Variants in DKK3 observed in about 807,000 individuals in gnomAD.
DKK3 encodes the protein dickkopf Wnt signaling pathway inhibitor 3, also known as dickkopf-related protein 3.
In DKK3, 22 loss-of-function variants were observed where a neutral mutation model predicts 33.2. The ratio of observed to expected loss-of-function variants is 0.66; its 90% CI spans 0.47 to 0.95. DKK3 has a LOEUF of 0.95. Among genes scored for constraint, DKK3 ranks in the 40% least tolerant of loss-of-function variants. The probability of loss-of-function intolerance (pLI) is 0.00; values close to 1 mark genes in which losing one functional copy is unlikely to be tolerated. For missense variants in DKK3, 398 were observed against 458.4 expected, an observed-to-expected ratio of 0.87 and a Z score of 1.20; for synonymous variants, 194 against 188.8, an observed-to-expected ratio of 1.03 and a Z score of -0.23.
chr11:11,964,920 G>T (rs760245948), intron 6 of DKK3, among the ~76,000 whole-genome samples: 2 of 152,188 alleles, frequency 1.3e-5, no homozygotes, highest in Non-Finnish European at 2.9e-5. Context: ...TCCAGCGCAG[G>T]CCTGACCTCC....
intron 3 of DKK3, among the ~76,000 whole-genome samples, chr11:11,997,049 T>G (rs1357210554): frequency 6.6e-6 from 1 of 152,178 alleles, no homozygotes; most frequent in Non-Finnish European, 1.5e-5. Context: ...TCAATTCCCC[T>G]GACTAAAAGG....
At chr11:12,001,992 T>G (rs892957285) in intron 2 of DKK3, 11 of 225,480 alleles carry the variant, frequency 4.9e-5, no homozygotes, top group Non-Finnish European at 3.5e-5. Flanking sequence ...TAGGAAAGGG[T>G]CTTTTTAGAC....
chr11:12,007,566 C>T (rs747343113), intron 1 of DKK3, among the ~76,000 whole-genome samples: 28 of 152,296 alleles, frequency 1.8e-4, no homozygotes, highest in South Asian at 1.5e-3. Context: ...TGATGGAGGG[C>T]AGAAGCTAGG....
In DKK3 at chr11:11,964,559, C is replaced by T; in HGVS notation, c.958G>A (p.Glu320Lys). The change falls in exon 7 of 7, where the codon GAG becomes AAG. Residue 320 changes from glutamate to lysine, a missense_variant. Transcript: ENST00000683431. The stretch of plus-strand genomic sequence containing the variant: ...AGGCTCCTCTCCAGGTCCTCCAGCT[C>T]CTGGCGCACCTCCTCCATGAAGCTG... ...VGSFMEEVRQ[E>K]LEDLERSLTE... 1 of 1,614,214 alleles carries T rather than the reference C, an allele frequency of 6.2e-7. No individual in the cohort carries two copies. The highest frequency in any genetic ancestry group is 8.5e-7 in the Non-Finnish European group (1 of 1,180,042).
intron 3 of DKK3, among the ~76,000 whole-genome samples, chr11:11,988,809 G>A (rs1216250533): frequency 6.6e-6 from 1 of 152,204 alleles, no homozygotes; most frequent in African/African-American, 2.4e-5. Context: ...ATACGCCCAG[G>A]CCTAGGGAAA....
At chr11:11,977,556 C>T (rs1329180485) in intron 3 of DKK3, among the ~76,000 whole-genome samples, 2 of 152,202 alleles carry the variant, frequency 1.3e-5, no homozygotes, top group East Asian at 1.9e-4. Flanking sequence ...CCTGGGTTGG[C>T]AGCCGTTGGG....
chr11:11,982,667 C>T (rs1027110143), intron 3 of DKK3, among the ~76,000 whole-genome samples: 6 of 152,250 alleles, frequency 3.9e-5, no homozygotes, highest in African/African-American at 1.4e-4. Context: ...TGGGCCTTCC[C>T]GCTTCCATGG....
At chr11:11,992,883 A>T (rs75840260) in intron 3 of DKK3, among the ~76,000 whole-genome samples, 1 of 152,186 alleles carries the variant, frequency 6.6e-6, no homozygotes, top group South Asian at 2.1e-4. Context: ...TGATCTTTAT[A>T]TTTCTTTGAT....
chr11:11,987,418 CCTCCCATCTCT>C (rs1170209821), intron 3 of DKK3, among the ~76,000 whole-genome samples: 6 of 152,186 alleles, frequency 3.9e-5, no homozygotes, highest in Non-Finnish European at 8.8e-5. Flanking sequence ...AAACTACATC[CCTCCCATCTCT>C]GATTTCTCAT....
At chr11:12,007,198 G>A (rs962444) in intron 1 of DKK3, among the ~76,000 whole-genome samples, 6,644 of 152,246 alleles carry the variant, frequency 0.044, 211 homozygotes, top group South Asian at 0.085. Flanking sequence ...AGGGCTGCGG[G>A]GAGAAAGCAA....
chr11:11,986,039 G>C (rs927994461), intron 3 of DKK3, among the ~76,000 whole-genome samples: 28 of 152,082 alleles, frequency 1.8e-4, no homozygotes, highest in African/African-American at 6.8e-4. Context: ...CCTGCTCGTG[G>C]GGCTGAGCCT....
Position 11,963,681 on chromosome 11 carries a change from A to G in DKK3, c.*783T>C, listed in dbSNP as rs993853120. 1.3e-5 allele frequency: 2 copies of G among 152,236 alleles called. No individual in the cohort carries two copies. The highest frequency in any genetic ancestry group is 4.1e-4 in the South Asian group (2 of 4,834). The allele number at this position is 152,236 out of a possible 1,614,324, so 9.4% of individuals were successfully genotyped here. On this transcript the variant is annotated 3_prime_UTR_variant, in exon 7 of 7. Transcript: ENST00000683431. ...CCCATTCTCCTTCCTTTTGGGGAGC[A>G]CTTTTGGTGGCACCAAGGCTGGTGT...
chr11:12,002,676 T>C (rs1004501999), intron 1 of DKK3, among the ~76,000 whole-genome samples: 1 of 152,144 alleles, frequency 6.6e-6, no homozygotes, highest in African/African-American at 2.4e-5. Context: ...ATATTACAAA[T>C]AGGGAAACTG....
At chr11:11,967,658 T>G (rs1847631291) in intron 4 of DKK3, among the ~76,000 whole-genome samples, 1 of 152,220 alleles carries the variant, frequency 6.6e-6, no homozygotes, top group African/African-American at 2.4e-5. Context: ...TAATAAGAAC[T>G]GCTTGACTTT....
At chr11:11,999,123 A>G (rs1446100323) in intron 2 of DKK3, among the ~76,000 whole-genome samples, 1 of 152,190 alleles carries the variant, frequency 6.6e-6, no homozygotes, top group Non-Finnish European at 1.5e-5. Context: ...CTTGAAACTC[A>G]ATGTCAACTT....
chr11:11,984,297 C>T (rs183536498), intron 3 of DKK3, among the ~76,000 whole-genome samples: 50 of 152,292 alleles, frequency 3.3e-4, no homozygotes, highest in African/African-American at 1.2e-3. Flanking sequence ...CTTATGAACA[C>T]ACTGGATAGC....
intron 3 of DKK3, among the ~76,000 whole-genome samples, chr11:11,986,485 C>G (rs1848073721): frequency 6.6e-6 from 1 of 152,290 alleles, no homozygotes; most frequent in Middle Eastern, 3.4e-3. Context: ...GCCCAAGGAG[C>G]TCTGCCATCC....
intron 3 of DKK3, among the ~76,000 whole-genome samples, chr11:11,976,267 G>A (rs1847831292): frequency 6.6e-6 from 1 of 152,244 alleles, no homozygotes; most frequent in African/African-American, 2.4e-5. Context: ...ACAAGAAGAA[G>A]GAGGACAGTT....
intron 3 of DKK3, among the ~76,000 whole-genome samples, chr11:11,990,796 A>T (rs1183341135): frequency 6.6e-6 from 1 of 152,220 alleles, no homozygotes; most frequent in Non-Finnish European, 1.5e-5. Context: ...TACTTGTTCA[A>T]CGAATACCCT....
Sources: gnomAD v4.1 joint callset for allele counts (sites outside exome capture counted in the v4.1 genomes callset) on GRCh38, gnomAD v4.1.1 for gene constraint, MANE v1.5 for transcripts, NCBI Gene and HGNC (gene_info 2026-07-23, HGNC 2026-07-21) for gene names.